TMEM207: variants seen among roughly 807,000 people sequenced by gnomAD.
TMEM207 encodes the protein SRSR846.
TMEM207 carries 15 observed loss-of-function variants against 17.4 expected under a neutral mutation model. The observed-to-expected ratio is 0.86, with a 90% confidence interval of 0.58 to 1.33. TMEM207 has a LOEUF of 1.33. Among genes scored for constraint, TMEM207 ranks in the 40% most tolerant of loss-of-function variants. TMEM207 has a pLI of 0.00. For missense variants in TMEM207, 205 were observed against 173.8 expected (o/e 1.18, Z -1.01); for synonymous variants, 70 against 65.6 (o/e 1.07, Z -0.33).
rs1157703653 is a variant in TMEM207, at chr3:190,440,471, G to T, written c.159-82C>A. 2.2e-6 allele frequency: 3 copies of T among 1,358,254 alleles called. No individual in the cohort carries two copies. The Admixed American group carries it at 7.9e-5, about 36-fold the overall frequency. The allele number at this position is 1,358,254 out of a possible 1,614,324, so 84.1% of individuals were successfully genotyped here. A position where few individuals can be genotyped will look rare whatever the true frequency, so the allele number is the denominator to read the frequency against. ...GCTTCCATCACTACCTAGAAGTGGG[G>T]TGAAGACTCAGCTAGACTGGCCGCA... On this transcript the variant is annotated intron_variant, in intron 3 of 4. Coordinates refer to ENST00000354905, the MANE Select transcript of TMEM207 (RefSeq NM_207316.3).
At chr3:190,446,981 G>A (rs1238286595) in intron 2 of TMEM207, among the ~76,000 whole-genome samples, 1 of 152,158 alleles carries the variant, frequency 6.6e-6, no homozygotes, top group Non-Finnish European at 1.5e-5. Flanking sequence ...TGCAAAAGCT[G>A]AAAGAGCAGC....
rs762599809 is a variant in TMEM207 at position 190,429,530 on chromosome 3, C to T, written c.*65G>A. The T allele has an allele frequency of 8.9e-5, 141 of 1,582,676 alleles. No homozygotes were observed. The highest frequency in any genetic ancestry group is 1.2e-4 in the Non-Finnish European group (137 of 1,155,374). On this transcript the variant is annotated 3_prime_UTR_variant, in exon 5 of 5. Transcript: ENST00000354905. ...TTTCCAACAACTGAAATAACTATTCCTAAATTTGATGTTTTGGAATTACAG... is the reference window on the plus strand; with the variant it reads ...TTTCCAACAACTGAAATAACTATTCTTAAATTTGATGTTTTGGAATTACAG...
rs1719641704 is a variant in TMEM207, at chr3:190,429,426, C to T, written c.*169G>A. 1 of 893,836 alleles carries T rather than the reference C, an allele frequency of 1.1e-6. No homozygotes were observed. Among genetic ancestry groups the T allele is most frequent in the Non-Finnish European group, 1.6e-6 (1 of 610,744 alleles). 55.4% of individuals were successfully genotyped at this position (893,836 alleles called of 1,614,324 possible). ...CTGCTACTTTACTATTTAAACATCTCCATGACCAAAATTTTTTCCAACATC... is the reference window on the plus strand; with the variant it reads ...CTGCTACTTTACTATTTAAACATCTTCATGACCAAAATTTTTTCCAACATC... On this transcript the variant is annotated 3_prime_UTR_variant, in exon 5 of 5. Coordinates refer to ENST00000354905, the MANE Select transcript of TMEM207 (RefSeq NM_207316.3).
chr3:190,439,106 G>C (rs536171224), intron 4 of TMEM207, among the ~76,000 whole-genome samples: 15 of 146,942 alleles, frequency 1.0e-4, no homozygotes, highest in Middle Eastern at 3.2e-3. Context: ...GAACCCGGGA[G>C]GGGGAGCTTG....
chr3:190,433,466 CTA>C (rs1719733194), intron 4 of TMEM207, among the ~76,000 whole-genome samples: 1 of 151,958 alleles, frequency 6.6e-6, no homozygotes, highest in Non-Finnish European at 1.5e-5. Context: ...TTTAAAAAAA[CTA>C]TTTTTAATAT....
rs971921522 is a variant in TMEM207 at position 190,440,466 on chromosome 3, G to A, written c.159-77C>T. 3.6e-6 allele frequency: 5 copies of A among 1,391,104 alleles called. No individual in the cohort carries two copies. In the African/African-American group the frequency reaches 5.8e-5, roughly 16 times the overall value. The allele number at this position is 1,391,104 out of a possible 1,614,324, so 86.2% of individuals were successfully genotyped here. A position where few individuals can be genotyped will look rare whatever the true frequency, so the allele number is the denominator to read the frequency against. ...TAAGAGCTTCCATCACTACCTAGAA[G>A]TGGGGTGAAGACTCAGCTAGACTGG... On this transcript the variant is annotated intron_variant, in intron 3 of 4. Transcript: ENST00000354905.
chr3:190,446,582 T>C (rs1039272740), intron 2 of TMEM207, among the ~76,000 whole-genome samples: 2 of 152,194 alleles, frequency 1.3e-5, no homozygotes, highest in Admixed American at 1.3e-4. Context: ...TGCAAAATGA[T>C]GTAGCCAGAG....
Position 190,441,466 on chromosome 3 carries a change from CATTA to C in TMEM207, c.126_129del (p.Tyr42Ter). On this transcript the variant is annotated frameshift_variant, in exon 3 of 5. Coordinates refer to ENST00000354905, the MANE Select transcript of TMEM207 (RefSeq NM_207316.3). LOFTEE classifies it high-confidence loss of function. ...ATATACCAGCCATTAGGGTGTTGGT[CATTA>C]TAATTTACACACCTGGTGATAAAGG... 6.2e-7 allele frequency: 1 copy of C among 1,611,764 alleles called. No homozygotes were observed. Among genetic ancestry groups the C allele is most frequent in the Non-Finnish European group, 8.5e-7 (1 of 1,178,812 alleles).
chr3:190,447,862 A>G (rs760661081), intron 1 of TMEM207, 35 bp from the exon 2 acceptor site: 3 of 1,601,594 alleles, frequency 1.9e-6, no homozygotes, highest in African/African-American at 1.3e-5. Context: ...AAATCCAAAC[A>G]TCTCATCAGT....
At chr3:190,433,349 TTAA>T (rs1225611197) in intron 4 of TMEM207, among the ~76,000 whole-genome samples, 1 of 152,280 alleles carries the variant, frequency 6.6e-6, no homozygotes, top group East Asian at 1.9e-4. Flanking sequence ...CCTTTCATTT[TTAA>T]TAAACTCCAA....
chr3:190,442,007 A>G (rs9862421), intron 2 of TMEM207, among the ~76,000 whole-genome samples: 172 of 152,358 alleles, frequency 1.1e-3, no homozygotes, highest in African/African-American at 3.9e-3. Flanking sequence ...GAACGTGGCC[A>G]TACCTACCAT....
chr3:190,441,352 G>T, intron 3 of TMEM207, 86 bp downstream of exon 3: 1 of 1,081,484 alleles, frequency 9.2e-7, no homozygotes, highest in South Asian at 1.3e-5. Context: ...TAAGCTGTAT[G>T]ATTTCATGTA....
At chr3:190,439,176 CAAAAAAAAAAAA>C (rs772313119) in intron 4 of TMEM207, among the ~76,000 whole-genome samples, 1 of 58,650 alleles carries the variant, frequency 1.7e-5, no homozygotes, top group South Asian at 7.4e-4. Flanking sequence ...GACTCCGTCT[CAAAAAAAAAAAA>C]AAAAAAAAAA....
intron 2 of TMEM207, among the ~76,000 whole-genome samples, chr3:190,445,483 C>G (rs1306071151): frequency 2.0e-5 from 3 of 151,994 alleles, no homozygotes; most frequent in Non-Finnish European, 4.4e-5. Context: ...AAAAACGTAC[C>G]CTGGTGTTGA....
chr3:190,431,801 C>T lies in TMEM207; in HGVS notation c.305-2070G>A, dbSNP rs540833414. ...ATTGCCACTGTCTATATTGTGCTCC[C>T]AGTAATAGAGTCTTCACAGTTGCTT... is the stretch of plus-strand genomic sequence containing the variant. On this transcript the variant is annotated intron_variant, in intron 4 of 4. Coordinates refer to ENST00000354905, the MANE Select transcript of TMEM207 (RefSeq NM_207316.3). Among the ~76,000 whole-genome samples, 5 of 152,252 alleles carry T rather than the reference C, an allele frequency of 3.3e-5. No homozygotes were observed. The East Asian group carries it at 7.7e-4, about 24-fold the overall frequency.
At position 190,429,824 on chromosome 3, in the gene TMEM207, C is replaced by T. The variant is rs967606269; in HGVS notation, c.305-93G>A. ...CGATAAAATCTGGCATTGCTTGGATCGCTGAAGCAACAGAAAATTATTTGT... is the reference window on the plus strand; with the variant it reads ...CGATAAAATCTGGCATTGCTTGGATTGCTGAAGCAACAGAAAATTATTTGT... On this transcript the variant is annotated intron_variant, in intron 4 of 4. Transcript: ENST00000354905. 12 of 1,358,414 alleles carry T rather than the reference C, an allele frequency of 8.8e-6. No individual in the cohort carries two copies. The East Asian group carries it at 1.0e-4, about 11-fold the overall frequency. 84.1% of individuals were successfully genotyped at this position (1,358,414 alleles called of 1,614,324 possible).
At chr3:190,449,652 A>C in intron 1 of TMEM207, 83 bp downstream of exon 1, 1 of 1,246,314 alleles carries the variant, frequency 8.0e-7, no homozygotes, top group Non-Finnish European at 1.2e-6. Flanking sequence ...TAAGTTGCTC[A>C]CATATAAATC....
At chr3:190,445,265 T>A (rs1720020169) in intron 2 of TMEM207, among the ~76,000 whole-genome samples, 1 of 152,244 alleles carries the variant, frequency 6.6e-6, no homozygotes, top group African/African-American at 2.4e-5. Context: ...CATAAATCAA[T>A]CTATTTTTGT....
At chr3:190,440,188 T>G in intron 4 of TMEM207, 56 bp downstream of exon 4, 1 of 1,550,512 alleles carries the variant, frequency 6.4e-7, no homozygotes, top group African/African-American at 1.4e-5. Flanking sequence ...GTTTTTCAAT[T>G]AACCGCAAAA....
Sources: allele counts gnomAD v4.1 joint callset (sites outside exome capture counted in the v4.1 genomes callset), GRCh38; gene constraint gnomAD v4.1.1; transcripts MANE v1.5; gene names NCBI Gene and HGNC (gene_info 2026-07-23, HGNC 2026-07-21).